The following MMP17 variants were observed in gnomAD, a reference collection of about 807,000 sequenced individuals.
The protein encoded by MMP17 is matrix metallopeptidase 17, also known as matrix metalloproteinase-17.
A neutral mutation model predicts 49.1 loss-of-function variants in MMP17; 54 were observed. That is an observed-to-expected ratio of 1.10 (90% confidence interval 0.88 to 1.38). The LOEUF is 1.38. MMP17 is among the 40% of genes most tolerant of loss of function. The probability of loss-of-function intolerance (pLI) is 0.00; values close to 1 mark genes in which losing one functional copy is unlikely to be tolerated. For missense variants in MMP17, 837 were observed against 853.7 expected, an observed-to-expected ratio of 0.98 and a Z score of 0.24; for synonymous variants, 397 against 383.1, an observed-to-expected ratio of 1.04 and a Z score of -0.42.
intron 1 of MMP17, among the ~76,000 whole-genome samples, chr12:131,837,178 A>C (rs1181230324): frequency 1.3e-5 from 2 of 152,146 alleles, no homozygotes; most frequent in Non-Finnish European, 2.9e-5. Context: ...TCACGTCCTC[A>C]TCACCAGCCT....
At chr12:131,835,741 G>C (rs1169972682) in intron 1 of MMP17, among the ~76,000 whole-genome samples, 4 of 152,346 alleles carry the variant, frequency 2.6e-5, no homozygotes, top group African/African-American at 9.6e-5. Context: ...CAATATCATA[G>C]ATGATGTGAG....
In MMP17 at chr12:131,828,457, G is replaced by C; in HGVS notation, c.-38G>C. ...CTGCGGAACGCGAAGCGGAGGGCGC[G>C]GGACCCTGCACGCCGCCCGCGGGCC... On this transcript the variant is annotated 5_prime_UTR_variant, in exon 1 of 10. Coordinates refer to ENST00000360564, the MANE Select transcript of MMP17 (RefSeq NM_016155.7). 5.1e-6 allele frequency: 5 copies of C among 986,382 alleles called. No individual in the cohort carries two copies. Among genetic ancestry groups the C allele is most frequent in the Non-Finnish European group, 3.6e-6 (3 of 830,332 alleles). The allele number at this position is 986,382 out of a possible 1,614,324, so 61.1% of individuals were successfully genotyped here. A position where few individuals can be genotyped will look rare whatever the true frequency, so the allele number is the denominator to read the frequency against.
In MMP17 at chr12:131,840,387, T is replaced by C. The variant is rs1566087033; in HGVS notation, c.423-186T>C. Reference sequence around the variant, plus strand: ...CTCTCATTTCCCTCCCTCCGTCATCTATCCCAGTGAACTACTGGAACCGCC... The same window carrying C: ...CTCTCATTTCCCTCCCTCCGTCATCCATCCCAGTGAACTACTGGAACCGCC... On this transcript the variant is annotated intron_variant, in intron 3 of 9. Transcript: ENST00000360564. 1.4e-5 allele frequency: 8 copies of C among 581,460 alleles called. No individual in the cohort carries two copies. In the East Asian group the frequency reaches 2.3e-4, roughly 16 times the overall value. The allele number at this position is 581,460 out of a possible 1,614,324, so 36.0% of individuals were successfully genotyped here.
At position 131,845,378 on chromosome 12, in the gene MMP17, T is replaced by A; in HGVS notation, c.1133T>A (p.Leu378Gln). ...CAGATGCACCGCTTCTGGCGGGGCC[T>A]GCCGCTGCACCTGGACAGCGTGGAC... ...PAQMHRFWRG[L>Q]PLHLDSVDAV... The change falls in exon 8 of 10, where the codon CTG (leucine) becomes CAG (glutamine). Residue 378 changes from leucine to glutamine, a missense_variant. By Grantham distance (113) the Leu-to-Gln change is moderately radical. Coordinates refer to ENST00000360564, the MANE Select transcript of MMP17 (RefSeq NM_016155.7). 1 of 1,597,406 alleles carries A rather than the reference T, an allele frequency of 6.3e-7. No individual in the cohort carries two copies. The highest frequency in any genetic ancestry group is 2.2e-5 in the East Asian group (1 of 44,626).
At position 131,844,041 on chromosome 12, in the gene MMP17, C is replaced by T. The variant is rs1357052817; in HGVS notation, c.928C>T (p.Pro310Ser). ...VSPTAQPEEP[P>S]LLPEPPDNRS... ...TCCCACGGCGCAGCCCGAGGAGCCTCCCCTGCTGCCGGAGCCCCCAGACAA... is the reference window on the plus strand; with the variant it reads ...TCCCACGGCGCAGCCCGAGGAGCCTTCCCTGCTGCCGGAGCCCCCAGACAA... Residue 310 changes from proline to serine, a missense_variant, in exon 6 of 10, where the codon CCC becomes TCC. By Grantham distance (74) the Pro-to-Ser change is moderately conservative (BLOSUM62 -1). Transcript: ENST00000360564. The T allele has an allele frequency of 6.4e-7, 1 of 1,570,116 alleles. No homozygotes were observed. The highest frequency in any genetic ancestry group is 1.2e-5 in the South Asian group (1 of 85,964).
Position 131,833,007 on chromosome 12 carries a change from A to G in MMP17, c.159+4354A>G, listed in dbSNP as rs111270113. On this transcript the variant is annotated intron_variant, in intron 1 of 9. Transcript: ENST00000360564. ...GCCCTCCAGCCCATCCCTCACCCCCACACAGCACAGTGGTCACAGGCGGAG... is the reference window on the plus strand; with the variant it reads ...GCCCTCCAGCCCATCCCTCACCCCCGCACAGCACAGTGGTCACAGGCGGAG... 3.8e-3 allele frequency among the ~76,000 whole-genome samples: 584 copies of G among 152,146 alleles called. 11 individuals carry two copies. The highest frequency in any genetic ancestry group is 0.014 in the African/African-American group (562 of 41,496).
In MMP17 at chr12:131,838,224, C is replaced by A. The variant is rs776946479; in HGVS notation, c.189C>A (p.Pro63=). 6 of 1,613,048 alleles carry A rather than the reference C, an allele frequency of 3.7e-6. No individual in the cohort carries two copies. Among genetic ancestry groups the A allele is most frequent in the Non-Finnish European group, 5.1e-6 (6 of 1,179,884 alleles). The change falls in exon 2 of 10, where the codon CCC becomes CCA. Residue 63 remains proline, a synonymous_variant. Coordinates refer to ENST00000360564, the MANE Select transcript of MMP17 (RefSeq NM_016155.7). The part of the protein sequence containing the change: ...VEWLSRFGYL[P]PADPTTGQLQ... ...GGCTAAGCAGGTTCGGTTACCTGCC[C>A]CCGGCTGACCCCACAACAGGGCAGC...
At chr12:131,832,519 G>A (rs1487040911) in intron 1 of MMP17, among the ~76,000 whole-genome samples, 1 of 152,060 alleles carries the variant, frequency 6.6e-6, no homozygotes. Context: ...GATCCCGTGG[G>A]ACGCTTGCCC....
intron 1 of MMP17, among the ~76,000 whole-genome samples, chr12:131,830,640 C>T (rs1886744033): frequency 6.6e-6 from 1 of 152,226 alleles, no homozygotes; most frequent in Non-Finnish European, 1.5e-5. Flanking sequence ...TCGCCGGAGG[C>T]GCTCCCGGAG....
intron 5 of MMP17, 30 bp downstream of exon 5, chr12:131,841,830 G>A (rs941416825): frequency 6.5e-7 from 1 of 1,532,798 alleles, no homozygotes; most frequent in South Asian, 1.2e-5. Flanking sequence ...CAGACACAGG[G>A]CCCCTGGAAG....
intron 3 of MMP17, chr12:131,840,333 T>A (rs989382802): frequency 2.2e-5 from 11 of 499,604 alleles, no homozygotes; most frequent in Admixed American, 6.8e-5. Flanking sequence ...GACGTTTGCC[T>A]GTGGCCTGGG....
chr12:131,841,526 C>T, intron 4 of MMP17, 98 bp from the exon 5 acceptor site: 1 of 1,289,254 alleles, frequency 7.8e-7, no homozygotes, highest in Non-Finnish European at 1.1e-6. Context: ...CGAGGCATCC[C>T]CATGGTCACC....
intron 1 of MMP17, among the ~76,000 whole-genome samples, chr12:131,836,089 C>T (rs754746135): frequency 6.6e-6 from 1 of 152,218 alleles, no homozygotes; most frequent in Non-Finnish European, 1.5e-5. Context: ...GACGTCCTGT[C>T]GTGCCTATAG....
intron 1 of MMP17, among the ~76,000 whole-genome samples, chr12:131,831,698 C>G (rs1490535066): frequency 6.7e-6 from 1 of 149,140 alleles, no homozygotes; most frequent in African/African-American, 2.5e-5. Context: ...GTGGGCTTTG[C>G]CACCCAACTA....
intron 8 of MMP17, among the ~76,000 whole-genome samples, 193 bp downstream of exon 8, chr12:131,845,642 C>T (rs564785624): frequency 2.6e-5 from 4 of 152,332 alleles, no homozygotes; most frequent in South Asian, 4.1e-4. Flanking sequence ...CTGAGGCAGC[C>T]GCTGTAGGCA....
At chr12:131,839,823 C>T (rs1887291608) in intron 3 of MMP17, among the ~76,000 whole-genome samples, 1 of 152,098 alleles carries the variant, frequency 6.6e-6, no homozygotes, top group Non-Finnish European at 1.5e-5. Context: ...TGATGTGTGC[C>T]TGTAATCCCT....
chr12:131,848,958 C>T (rs1241900642), intron 8 of MMP17, among the ~76,000 whole-genome samples: 1 of 152,214 alleles, frequency 6.6e-6, no homozygotes, highest in African/African-American at 2.4e-5. Flanking sequence ...CGTGGTAATT[C>T]TATTTTTGAC....
Position 131,846,373 on chromosome 12 carries a change from G to GT in MMP17, c.1204+930dup, listed in dbSNP as rs910704922. 9.2e-5 allele frequency among the ~76,000 whole-genome samples: 14 copies of GT among 151,880 alleles called. No individual in the cohort carries two copies. The highest frequency in any genetic ancestry group is 3.1e-4 in the African/African-American group (13 of 41,354). ...GGTCCCCTAGTCCTGTTTGTTTTTT[G>GT]TTTTTTGTTTTTTGTTTTTCTGAGA... On this transcript the variant is annotated intron_variant, in intron 8 of 9. Coordinates refer to ENST00000360564, the MANE Select transcript of MMP17 (RefSeq NM_016155.7). The surrounding 1 kb of genome is among the most constrained non-coding windows in gnomAD (Gnocchi z 4.6).
intron 4 of MMP17, 61 bp from the exon 5 acceptor site, chr12:131,841,563 C>T: frequency 6.4e-7 from 1 of 1,571,076 alleles, no homozygotes; most frequent in Non-Finnish European, 8.7e-7. Context: ...GCCTGCTGGT[C>T]CCTCCCCGCG....
Sources: gnomAD v4.1 joint callset for allele counts (sites outside exome capture counted in the v4.1 genomes callset) on GRCh38, gnomAD v4.1.1 for gene constraint, Gnocchi (gnomAD v3.1) non-coding constraint, MANE v1.5 for transcripts, NCBI Gene and HGNC (gene_info 2026-07-23, HGNC 2026-07-21) for gene names.